EPM2A: variants seen among roughly 807,000 people sequenced by gnomAD.
EPM2A encodes the protein laforin.
In EPM2A, 21 loss-of-function variants were observed where a neutral mutation model predicts 26.5. The ratio of observed to expected loss-of-function variants is 0.79; its 90% CI spans 0.56 to 1.14. The LOEUF is 1.14. Ranked by LOEUF, EPM2A falls within the 50% of genes most tolerant of loss-of-function variation. The probability of loss-of-function intolerance (pLI) is 0.00; values close to 1 mark genes in which losing one functional copy is unlikely to be tolerated. For missense variants in EPM2A, 458 were observed against 440.8 expected, an observed-to-expected ratio of 1.04 and a Z score of -0.35; for synonymous variants, 217 against 177.6, an observed-to-expected ratio of 1.22 and a Z score of -1.76.
At chr6:145,674,478 A>G (rs1379053109) in intron 2 of EPM2A, among the ~76,000 whole-genome samples, 2 of 152,142 alleles carry the variant, frequency 1.3e-5, no homozygotes, top group Non-Finnish European at 2.9e-5. Flanking sequence ...AAGGTCAGTA[A>G]TAACAAATTT....
At chr6:145,426,778 T>G (rs976714059) in intron 4 of EPM2A, among the ~76,000 whole-genome samples, 4 of 152,218 alleles carry the variant, frequency 2.6e-5, no homozygotes, top group Non-Finnish European at 5.9e-5. Context: ...GCTTTTCCAT[T>G]TTTAAGGTAC....
chr6:145,705,682 T>A, intron 1 of EPM2A: 1 of 409,324 alleles, frequency 2.4e-6, no homozygotes, highest in Non-Finnish European at 4.9e-6. Context: ...GCAATCCCTA[T>A]TTGAAATAGC....
intron 1 of EPM2A, among the ~76,000 whole-genome samples, chr6:145,731,094 C>A (rs879416794): frequency 2.6e-5 from 4 of 152,074 alleles, no homozygotes; most frequent in Non-Finnish European, 4.4e-5. Context: ...AAAGGAAACT[C>A]CATTCAACAA....
rs189059433 is a variant in EPM2A, at chr6:145,477,154, C to T, written c.555+25368G>A. Among the ~76,000 whole-genome samples, 284 of 151,926 alleles carry T rather than the reference C, an allele frequency of 1.9e-3. 1 individual carries two copies. Among genetic ancestry groups the T allele is most frequent in the African/African-American group, 6.2e-3 (258 of 41,520 alleles). On this transcript the variant is annotated intron_variant, in intron 4 of 4. Coordinates refer to the EPM2A transcript ENST00000638717. ...AAACTCAAAGGATCATTAGAGGCTA[C>T]TATGAGCAACTATATGCTGATAATT... is the stretch of plus-strand genomic sequence containing the variant.
At chr6:145,565,324 G>T (rs951163579) in intron 2 of EPM2A, among the ~76,000 whole-genome samples, 1 of 152,184 alleles carries the variant, frequency 6.6e-6, no homozygotes, top group Non-Finnish European at 1.5e-5. Flanking sequence ...CCCATGTGAT[G>T]TATCAGGCGC....
At chr6:145,595,890 T>G (rs1190127589) in intron 2 of EPM2A, among the ~76,000 whole-genome samples, 1 of 152,180 alleles carries the variant, frequency 6.6e-6, no homozygotes, top group Non-Finnish European at 1.5e-5. Context: ...AACAATAGTG[T>G]GCATCCTTGT....
intron 1 of EPM2A, among the ~76,000 whole-genome samples, chr6:145,729,925 A>C (rs1364708412): frequency 6.6e-6 from 1 of 152,134 alleles, no homozygotes; most frequent in Non-Finnish European, 1.5e-5. Flanking sequence ...AAGGTGATTA[A>C]ATCATGGGGG....
intron 4 of EPM2A, among the ~76,000 whole-genome samples, chr6:145,470,802 TCA>T (rs1217596665): frequency 4.6e-5 from 7 of 152,194 alleles, no homozygotes; most frequent in African/African-American, 1.7e-4. Context: ...TTGTTGAATT[TCA>T]TTAAATGCTT....
rs374688448 is a variant in EPM2A, at chr6:145,432,765, C to A, written c.556-48668G>T. On this transcript the variant is annotated intron_variant, in intron 4 of 4. Transcript: ENST00000638717. ...TTAAAGCCAGGCATTTTTCCTCCAA[C>A]ATAAGGTGATTTCATCTACATTGAA... Among the ~76,000 whole-genome samples, 14 of 152,292 alleles carry A rather than the reference C, an allele frequency of 9.2e-5. 1 individual carries two copies. The highest frequency in any genetic ancestry group is 3.4e-4 in the African/African-American group (14 of 41,574).
At chr6:145,453,516 G>T (rs1024487357) in intron 4 of EPM2A, among the ~76,000 whole-genome samples, 2 of 152,006 alleles carry the variant, frequency 1.3e-5, no homozygotes, top group African/African-American at 4.8e-5. Context: ...CAAACAAAAA[G>T]ATAACAAATA....
rs375999374 is a variant in EPM2A, at chr6:145,384,707, A to C, written c.556-610T>G. ...GCTGGGAGTAAGTCCTTCAGTCCTG[A>C]AACATGCATCCTGAAATATGCATCT... On this transcript the variant is annotated intron_variant, in intron 4 of 4. Transcript: ENST00000638717. Among the ~76,000 whole-genome samples the C allele has an allele frequency of 1.6e-4, 24 of 147,594 alleles. 2 individuals carry two copies. The highest frequency in any genetic ancestry group is 4.8e-4 in the African/African-American group (19 of 39,912).
chr6:145,486,650 CTT>C (rs1384358597), intron 4 of EPM2A, among the ~76,000 whole-genome samples: 2 of 151,994 alleles, frequency 1.3e-5, no homozygotes, highest in Non-Finnish European at 1.5e-5. Flanking sequence ...AGTGTGCTAT[CTT>C]TATATATTTG....
rs1425278940 is a variant in EPM2A at position 145,592,282 on chromosome 6, T to C, written c.340+42963A>G. On this transcript the variant is annotated intron_variant, in intron 2 of 3. Transcript: ENST00000450221. ...GGTGTTTGGTTTTCTGTCCTTGCCATAGTCTGCTCAGAATGATGGCTTCCG... is the reference window on the plus strand; with the variant it reads ...GGTGTTTGGTTTTCTGTCCTTGCCACAGTCTGCTCAGAATGATGGCTTCCG... Among the ~76,000 whole-genome samples, 3 of 151,268 alleles carry C rather than the reference T, an allele frequency of 2.0e-5. No individual in the cohort carries two copies. The East Asian group carries it at 5.9e-4, about 30-fold the overall frequency.
At chr6:145,486,902 A>G (rs964466392) in intron 4 of EPM2A, among the ~76,000 whole-genome samples, 1 of 152,022 alleles carries the variant, frequency 6.6e-6, no homozygotes, top group Admixed American at 6.6e-5. Context: ...ATATAGGTAA[A>G]CATGTGTCAT....
rs1775792437 is a variant in EPM2A, at chr6:145,626,091, A to C, written c.*1325T>G. On this transcript the variant is annotated 3_prime_UTR_variant, in exon 4 of 4. Coordinates refer to ENST00000367519, the MANE Select transcript of EPM2A (RefSeq NM_005670.4). ...TGTGAAGATTAAACTGGATATGATT[A>C]TATATCACCTTGCACATAGAGGCTC... 4.6e-6 allele frequency: 5 copies of C among 1,092,516 alleles called. No individual in the cohort carries two copies. Among genetic ancestry groups the C allele is most frequent in the Non-Finnish European group, 5.6e-6 (5 of 893,470 alleles). 67.7% of individuals were successfully genotyped at this position (1,092,516 alleles called of 1,614,324 possible). A position where few individuals can be genotyped will look rare whatever the true frequency, so the allele number is the denominator to read the frequency against.
intron 2 of EPM2A, among the ~76,000 whole-genome samples, chr6:145,563,790 A>G (rs1780842723): frequency 6.6e-6 from 1 of 152,188 alleles, no homozygotes; most frequent in South Asian, 2.1e-4. Flanking sequence ...CCCCACCCTC[A>G]CCATAGTGAC....
intron 2 of EPM2A, among the ~76,000 whole-genome samples, chr6:145,548,073 T>C (rs1780609239): frequency 6.6e-6 from 1 of 152,108 alleles, no homozygotes; most frequent in Non-Finnish European, 1.5e-5. Context: ...TTTTCCAGCC[T>C]TTGCTCTTAC....
At chr6:145,491,542 G>T (rs447247) in intron 4 of EPM2A, among the ~76,000 whole-genome samples, 68,535 of 151,938 alleles carry the variant, frequency 0.45, 15,540 homozygotes, top group South Asian at 0.59. Flanking sequence ...TTCTTCTCCG[G>T]TCTCTGCCAA....
intron 4 of EPM2A, among the ~76,000 whole-genome samples, chr6:145,489,350 T>C (rs1009956971): frequency 1.3e-5 from 2 of 152,144 alleles, no homozygotes; most frequent in Admixed American, 6.5e-5. Flanking sequence ...TTTACCACAA[T>C]GAAAATAGAT....
Sources: gnomAD v4.1 joint callset for allele counts (sites outside exome capture counted in the v4.1 genomes callset) on GRCh38, gnomAD v4.1.1 for gene constraint, MANE v1.5 for transcripts, NCBI Gene and HGNC (gene_info 2026-07-23, HGNC 2026-07-21) for gene names.